The following KCNQ1 variants were observed in gnomAD, a reference collection of about 807,000 sequenced individuals.
KCNQ1 encodes the protein potassium voltage-gated channel subfamily Q member 1.
A neutral mutation model predicts 72.4 loss-of-function variants in KCNQ1; 49 were observed. The ratio of observed to expected loss-of-function variants is 0.68; its 90% CI spans 0.54 to 0.86. The LOEUF is 0.86. Ranked by LOEUF, KCNQ1 falls within the 40% of genes least tolerant of loss-of-function variation. The pLI is 0.00. For synonymous variants in KCNQ1, 450 were observed against 412.6 expected (o/e 1.09, Z -1.10); for missense variants, 790 against 945.1 (o/e 0.84, Z 2.15).
intron 1 of KCNQ1, among the ~76,000 whole-genome samples, chr11:2,460,249 C>A (rs923534909): frequency 2.0e-4 from 31 of 152,326 alleles, no homozygotes; most frequent in African/African-American, 7.5e-4. Context: ...GCAGGCCGGG[C>A]AGGGTGGCTG....
intron 15 of KCNQ1, among the ~76,000 whole-genome samples, chr11:2,789,534 G>T (rs1482134772): frequency 1.3e-5 from 2 of 152,222 alleles, no homozygotes; most frequent in African/African-American, 4.8e-5. Flanking sequence ...TATTATTGAT[G>T]TGTTGCTCAG....
At chr11:2,771,785 G>A (rs963341267) in intron 12 of KCNQ1, among the ~76,000 whole-genome samples, 6 of 152,122 alleles carry the variant, frequency 3.9e-5, no homozygotes, top group South Asian at 2.1e-4. Context: ...AGGCCCTGTC[G>A]CTGAGCCACA....
At chr11:2,775,845 C>T (rs573114939) in intron 12 of KCNQ1, 115 bp from the exon 13 acceptor site, 16 of 974,304 alleles carry the variant, frequency 1.6e-5, no homozygotes, top group East Asian at 1.6e-4. Flanking sequence ...ACCACATAGG[C>T]GAGCTCCCAG....
chr11:2,455,941 G>A (rs1846186010), intron 1 of KCNQ1, among the ~76,000 whole-genome samples: 1 of 152,214 alleles, frequency 6.6e-6, no homozygotes. Flanking sequence ...AATATGCCAT[G>A]GGGAAAAGAC....
chr11:2,492,589 C>T lies in KCNQ1; in HGVS notation c.387-35339C>T, dbSNP rs1329231501. Among the ~76,000 whole-genome samples, 3 of 152,184 alleles carry T rather than the reference C, an allele frequency of 2.0e-5. No homozygotes were observed. The highest frequency in any genetic ancestry group is 4.4e-5 in the Non-Finnish European group (3 of 68,042). On this transcript the variant is annotated intron_variant, in intron 1 of 15. Coordinates refer to ENST00000155840, the MANE Select transcript of KCNQ1 (RefSeq NM_000218.3). The surrounding 1 kb of genome is among the most constrained non-coding windows in gnomAD (Gnocchi z 4.1). ...GTGTATTCTCATTGTTCAACTTCCA[C>T]TTATGAGTGAGAACATATGGTGTTT...
chr11:2,558,605 T>TG (rs905539708), intron 2 of KCNQ1, among the ~76,000 whole-genome samples: 21 of 152,118 alleles, frequency 1.4e-4, no homozygotes, highest in Non-Finnish European at 2.2e-4. Context: ...AACACCCAGG[T>TG]GGGGGAGGAA....
intron 15 of KCNQ1, among the ~76,000 whole-genome samples, chr11:2,843,045 GC>G (rs1408533771): frequency 6.6e-6 from 1 of 152,202 alleles, no homozygotes. Context: ...GGTGCTTTGT[GC>G]CCAAGGCCCT....
chr11:2,540,160 A>G (rs1440589512), intron 2 of KCNQ1, among the ~76,000 whole-genome samples: 1 of 152,120 alleles, frequency 6.6e-6, no homozygotes, highest in East Asian at 1.9e-4. Flanking sequence ...CTGAACAAGG[A>G]GGTAGCCTGA....
intron 10 of KCNQ1, chr11:2,622,905 C>T (rs921365906): frequency 2.5e-6 from 1 of 398,628 alleles, no homozygotes; most frequent in Middle Eastern, 6.3e-4. Flanking sequence ...CCCTAGTTAA[C>T]ATTAGGGCTC....
chr11:2,745,362 A>G lies in KCNQ1; in HGVS notation c.1515-23482A>G, dbSNP rs965453607. ...AAAGGGCTGGTGGGGTCTTGCTTCC[A>G]TTATTCCTGGATGAGACCTTCTTTC... On this transcript the variant is annotated intron_variant, in intron 11 of 15. Coordinates refer to ENST00000155840, the MANE Select transcript of KCNQ1 (RefSeq NM_000218.3). The surrounding 1 kb of genome is among the most constrained non-coding windows in gnomAD (Gnocchi z 6.2). Among the ~76,000 whole-genome samples the G allele has an allele frequency of 3.9e-5, 6 of 152,118 alleles. No homozygotes were observed. The South Asian group carries it at 1.2e-3, about 32-fold the overall frequency.
intron 15 of KCNQ1, among the ~76,000 whole-genome samples, chr11:2,836,719 T>G (rs1345978574): frequency 6.6e-6 from 1 of 152,212 alleles, no homozygotes; most frequent in African/African-American, 2.4e-5. Context: ...GAGCCACATG[T>G]GTGTCACATC....
intron 15 of KCNQ1, among the ~76,000 whole-genome samples, chr11:2,831,772 C>G (rs375979790): frequency 6.6e-6 from 1 of 151,246 alleles, no homozygotes; most frequent in Non-Finnish European, 1.5e-5. Flanking sequence ...CTCCCTCCCC[C>G]ACCAGAGCCC....
intron 11 of KCNQ1, among the ~76,000 whole-genome samples, chr11:2,727,843 G>A (rs147516379): frequency 1.3e-5 from 2 of 152,182 alleles, no homozygotes; most frequent in African/African-American, 2.4e-5. Context: ...TGAAGGGGCA[G>A]GGACGTGGCC....
At chr11:2,839,340 C>T (rs923690321) in intron 15 of KCNQ1, among the ~76,000 whole-genome samples, 10 of 152,252 alleles carry the variant, frequency 6.6e-5, no homozygotes, top group African/African-American at 2.4e-4. Flanking sequence ...CCTCCATGAC[C>T]TCTGTCCCCA....
intron 14 of KCNQ1, chr11:2,777,610 A>ATG (rs1846732125): frequency 4.9e-6 from 2 of 411,762 alleles, no homozygotes; most frequent in Admixed American, 6.8e-5. Flanking sequence ...GGCTGGTGTA[A>ATG]CGGAGCAGCG....
rs2133792624 is a variant in KCNQ1 at position 2,612,527 on chromosome 11, G to A, written c.1393+23673G>A. 2 of 398,492 alleles carry A rather than the reference G, an allele frequency of 5.0e-6. 1 individual carries two copies. Among genetic ancestry groups the A allele is most frequent in the South Asian group, 2.5e-4 (2 of 7,852 alleles). The allele number at this position is 398,492 out of a possible 1,614,324, so 24.7% of individuals were successfully genotyped here. ...TCTTCTGCCAGGTCAAATTTGCTTA[G>A]CCGCACTAGTGAGTTTTTCACCTAA... On this transcript the variant is annotated intron_variant, in intron 10 of 15. Transcript: ENST00000155840. The surrounding 1 kb of genome is among the most constrained non-coding windows in gnomAD (Gnocchi z 5.5).
At chr11:2,639,398 T>A (rs1849532827) in intron 10 of KCNQ1, 1 of 152,346 alleles carries the variant, frequency 6.6e-6, no homozygotes, top group South Asian at 2.1e-4. Context: ...TTGGTGTGGA[T>A]GTCCTTTCTG....
In KCNQ1 at chr11:2,759,309, G is replaced by A. The variant is rs1441054861; in HGVS notation, c.1515-9535G>A. On this transcript the variant is annotated intron_variant, in intron 11 of 15. Transcript: ENST00000155840. The surrounding 1 kb of genome is among the most constrained non-coding windows in gnomAD (Gnocchi z 4.4). ...CTGCTAGGGGGATGTGACGTAGAGT[G>A]ACTTCAGTTTCCCTCTTCATGTCTC... 1.3e-5 allele frequency among the ~76,000 whole-genome samples: 2 copies of A among 152,166 alleles called. No individual in the cohort carries two copies.
chr11:2,612,225 G>A lies in KCNQ1; in HGVS notation c.1393+23371G>A, dbSNP rs1432783133. On this transcript the variant is annotated intron_variant, in intron 10 of 15. Coordinates refer to ENST00000155840, the MANE Select transcript of KCNQ1 (RefSeq NM_000218.3). The surrounding 1 kb of genome is among the most constrained non-coding windows in gnomAD (Gnocchi z 5.5). ...CTGAGCTCTGCCTCCTGTCTGATCAGTGATGGCATTAGATTCTCACAGAGA... is the reference window on the plus strand; with the variant it reads ...CTGAGCTCTGCCTCCTGTCTGATCAATGATGGCATTAGATTCTCACAGAGA... 1 of 398,510 alleles carries A rather than the reference G, an allele frequency of 2.5e-6. No homozygotes were observed. The highest frequency in any genetic ancestry group is 2.1e-5 in the African/African-American group (1 of 48,638). 24.7% of individuals were successfully genotyped at this position (398,510 alleles called of 1,614,324 possible).
Sources: gnomAD v4.1 joint callset for allele counts (sites outside exome capture counted in the v4.1 genomes callset) on GRCh38, gnomAD v4.1.1 for gene constraint, Gnocchi (gnomAD v3.1) non-coding constraint, MANE v1.5 for transcripts, NCBI Gene and HGNC (gene_info 2026-07-23, HGNC 2026-07-21) for gene names.